Variants in ALG1L2 observed in about 807,000 individuals in gnomAD.
The protein encoded by ALG1L2 is putative glycosyltransferase ALG1L2.
In ALG1L2, 32 loss-of-function variants were observed where a neutral mutation model predicts 29.0. The ratio of observed to expected loss-of-function variants is 1.10; its 90% confidence interval spans 0.83 to 1.48. ALG1L2 has a LOEUF of 1.48. Among genes scored for constraint, ALG1L2 ranks in the 40% most tolerant of loss-of-function variants. ALG1L2 has a pLI of 0.00. For synonymous variants in ALG1L2, 110 were observed against 109.5 expected, an observed-to-expected ratio of 1.00 and a Z score of -0.03; for missense variants, 318 against 274.1, an observed-to-expected ratio of 1.16 and a Z score of -1.13.
Position 130,094,436 on chromosome 3 carries a change from T to G in ALG1L2, c.347T>G (p.Leu116Arg). The change falls in exon 5 of 8, where the codon CTC becomes CGC. Residue 116 changes from leucine (L) to arginine (R), a missense_variant. By Grantham distance (102) the Leu-to-Arg change is moderately radical. Coordinates refer to ENST00000425059, the MANE Select transcript of ALG1L2 (RefSeq NM_001136152.1). Reference protein sequence around the residue: ...KGPLREYYSRLIHQKHFQHIQ... With the variant: ...KGPLREYYSRRIHQKHFQHIQ... ...CCTCTGAGGGAGTATTACAGCCGCC[T>G]CATCCACCAGAAGCATTTCCAGCAC... The G allele has an allele frequency of 6.3e-7, 1 of 1,596,304 alleles. No homozygotes were observed. Among genetic ancestry groups the G allele is most frequent in the South Asian group, 1.1e-5 (1 of 90,990 alleles).
In ALG1L2 at chr3:130,091,354, C is replaced by T. The variant is rs751841192; in HGVS notation, c.114C>T (p.His38=). 7.5e-6 allele frequency: 12 copies of T among 1,597,152 alleles called. No homozygotes were observed. Among genetic ancestry groups the T allele is most frequent in the Non-Finnish European group, 5.9e-6 (7 of 1,179,760 alleles). The part of the protein sequence containing the change: ...HRLFMKLGST[H]SPFRARSEPE... ...TCTTCATGAAGCTGGGCAGCACGCA[C>T]TCTCCGTTCAGGGCCCGGTAGGCCT... is the stretch of plus-strand genomic sequence containing the variant. The change falls in exon 2 of 8, where the codon CAC becomes CAT. Residue 38 remains histidine, a synonymous_variant. Transcript: ENST00000425059.
rs1935004361 is a variant in ALG1L2, at chr3:130,091,210, G to T, written c.21-51G>T. The T allele has an allele frequency of 5.3e-5, 82 of 1,556,174 alleles. No individual in the cohort carries two copies. The South Asian group carries it at 9.2e-4, about 17-fold the overall frequency. On this transcript the variant is annotated intron_variant, in intron 1 of 7. Transcript: ENST00000425059. ...CCCAAATGAGTGGTTTGAGCAGAAA[G>T]TAGCCTCCATGCTGGACTAATGCAA...
At chr3:130,085,999 C>T (rs1362819887) in intron 1 of ALG1L2, among the ~76,000 whole-genome samples, 2 of 151,542 alleles carry the variant, frequency 1.3e-5, no homozygotes, top group East Asian at 1.9e-4. Flanking sequence ...GTGAGGCAGA[C>T]GAGGAACACT....
At chr3:130,086,115 C>T (rs75148047) in intron 1 of ALG1L2, among the ~76,000 whole-genome samples, 14 of 150,828 alleles carry the variant, frequency 9.3e-5, no homozygotes, top group South Asian at 8.4e-4. Context: ...AACCAACATA[C>T]GCACAGGAGG....
intron 1 of ALG1L2, among the ~76,000 whole-genome samples, chr3:130,088,576 C>T (rs1934942425): frequency 6.6e-6 from 1 of 152,266 alleles, no homozygotes; most frequent in South Asian, 2.1e-4. Context: ...AGCCATTACG[C>T]CTGGCTAATT....
chr3:130,093,466 G>A (rs1277845342), intron 4 of ALG1L2, among the ~76,000 whole-genome samples: 4 of 144,838 alleles, frequency 2.8e-5, no homozygotes, highest in East Asian at 4.0e-4. Context: ...AGACTCTGTC[G>A]CCCAGGCTGG....
chr3:130,085,772 T>C lies in ALG1L2; in HGVS notation c.20+3736T>C, dbSNP rs1343812538. On this transcript the variant is annotated intron_variant, in intron 1 of 7. Transcript: ENST00000425059. ...ATAAGACGACCTCCACGAGTTGTTT[T>C]CTTCAAAGGTATGAGGCAGAGACCA... is the stretch of plus-strand genomic sequence containing the variant. Among the ~76,000 whole-genome samples, 2 of 149,602 alleles carry C rather than the reference T, an allele frequency of 1.3e-5. 1 individual carries two copies. Among genetic ancestry groups the C allele is most frequent in the Non-Finnish European group, 3.0e-5 (2 of 66,646 alleles).
chr3:130,097,302 C>G, intron 7 of ALG1L2, 52 bp downstream of exon 7: 1 of 1,592,700 alleles, frequency 6.3e-7, no homozygotes, highest in Admixed American at 1.7e-5. Flanking sequence ...GAGACTGGCA[C>G]CGAGCCATGC....
chr3:130,098,179 G>C, intron 7 of ALG1L2, 44 bp from the exon 8 acceptor site: 1 of 1,595,942 alleles, frequency 6.3e-7, no homozygotes, highest in South Asian at 1.1e-5. Context: ...GTGGTGACCT[G>C]GGATGGGGTG....
intron 1 of ALG1L2, among the ~76,000 whole-genome samples, chr3:130,089,669 A>G (rs1168028658): frequency 2.0e-5 from 3 of 152,306 alleles, no homozygotes; most frequent in Non-Finnish European, 4.4e-5. Context: ...GGATTACATT[A>G]TATTTCTATT....
rs757397608 is a variant in ALG1L2 at position 130,094,492 on chromosome 3, C to A, written c.403C>A (p.Arg135=). 1 of 1,594,706 alleles carries A rather than the reference C, an allele frequency of 6.3e-7. No individual in the cohort carries two copies. The highest frequency in any genetic ancestry group is 8.5e-7 in the Non-Finnish European group (1 of 1,179,222). The change falls in exon 5 of 8, where the codon CGA becomes AGA. Residue 135 remains arginine, a synonymous_variant. Coordinates refer to ENST00000425059, the MANE Select transcript of ALG1L2 (RefSeq NM_001136152.1). The part of the protein sequence containing the change: ...IQVCIPWLEG[R]GLPPLLGSVD... ...GGTCTGCATCCCCTGGCTGGAGGGC[C>A]GAGGACTACCCCCGCTTCTAGGTGA...
chr3:130,091,464 G>A (rs969243656), intron 2 of ALG1L2, 93 bp downstream of exon 2: 1 of 1,344,474 alleles, frequency 7.4e-7, no homozygotes. Flanking sequence ...CACTCATCCA[G>A]GGATTGGCAA....
chr3:130,097,269 A>T lies in ALG1L2; in HGVS notation c.615+19A>T. On this transcript the variant is annotated intron_variant, in intron 7 of 7. Coordinates refer to ENST00000425059, the MANE Select transcript of ALG1L2 (RefSeq NM_001136152.1). Reference sequence around the variant, plus strand: ...GCTGCAGGTAGCCATGTCTGCCACCACGCCAGGGTGGACAGGGTTCTGGAG... The same window carrying T: ...GCTGCAGGTAGCCATGTCTGCCACCTCGCCAGGGTGGACAGGGTTCTGGAG... The T allele has an allele frequency of 6.2e-7, 1 of 1,604,426 alleles. No homozygotes were observed. Among genetic ancestry groups the T allele is most frequent in the Non-Finnish European group, 8.5e-7 (1 of 1,179,652 alleles).
intron 3 of ALG1L2, among the ~76,000 whole-genome samples, chr3:130,092,796 C>A (rs938208653): frequency 1.3e-5 from 2 of 152,056 alleles, no homozygotes; most frequent in African/African-American, 4.8e-5. Flanking sequence ...TCTGGGAGGC[C>A]GAGGCAGGCA....
chr3:130,097,209 C>T lies in ALG1L2; in HGVS notation c.574C>T (p.Leu192=). 1 of 1,611,762 alleles carries T rather than the reference C, an allele frequency of 6.2e-7. No individual in the cohort carries two copies. The highest frequency in any genetic ancestry group is 8.5e-7 in the Non-Finnish European group (1 of 1,179,858). ...HELVKHEENR[L]VFEDSEELAA... ...GCTGGTGAAACATGAAGAAAACCGC[C>T]TGGTCTTTGAGGACTCAGAGGAACT... Residue 192 remains leucine (L), a synonymous_variant, in exon 7 of 8, where the codon CTG becomes TTG. Coordinates refer to ENST00000425059, the MANE Select transcript of ALG1L2 (RefSeq NM_001136152.1).
At position 130,093,092 on chromosome 3, in the gene ALG1L2, T is replaced by C. The variant is rs7648879; in HGVS notation, c.254-9T>C. On this transcript the variant is annotated splice_polypyrimidine_tract_variant and intron_variant, in intron 3 of 7. Coordinates refer to ENST00000425059, the MANE Select transcript of ALG1L2 (RefSeq NM_001136152.1). ...TTCCATGTAGAATTGTTTCTTTTTTTAAACACAGAGTTTGAACAACTGACT... is the reference window on the plus strand; with the variant it reads ...TTCCATGTAGAATTGTTTCTTTTTTCAAACACAGAGTTTGAACAACTGACT... 6.5e-3 allele frequency: 10,406 copies of C among 1,598,700 alleles called. 505 individuals carry two copies. The African/African-American group carries it at 0.11, about 18-fold the overall frequency.
At chr3:130,094,261 GC>G in intron 4 of ALG1L2, 141 bp from the exon 5 acceptor site, 1 of 1,065,018 alleles carries the variant, frequency 9.4e-7, no homozygotes, top group South Asian at 1.3e-5. Flanking sequence ...TTCTGGAAAG[GC>G]CCAGATAGGG....
At chr3:130,098,145 G>T (rs1212271497) in intron 7 of ALG1L2, 78 bp from the exon 8 acceptor site, 23 of 1,580,104 alleles carry the variant, frequency 1.5e-5, no homozygotes, top group Non-Finnish European at 1.9e-5. Flanking sequence ...GTTGTTGTTG[G>T]GTCGGGGAGC....
chr3:130,087,914 C>A (rs1176301309), intron 1 of ALG1L2, among the ~76,000 whole-genome samples: 5 of 152,248 alleles, frequency 3.3e-5, no homozygotes, highest in Non-Finnish European at 7.3e-5. Context: ...CTCCAGACAT[C>A]GGCATGTGTA....
Sources: allele counts gnomAD v4.1 joint callset (sites outside exome capture counted in the v4.1 genomes callset), GRCh38; gene constraint gnomAD v4.1.1; transcripts MANE v1.5; gene names NCBI Gene and HGNC (gene_info 2026-07-23, HGNC 2026-07-21).